Variants in DRC11 observed in about 807,000 individuals in gnomAD.
The protein encoded by DRC11 is dynein regulatory complex subunit 11.
At chr2:236,392,339 T>A in the DRC11 span, 1 of 1,583,584 alleles carries the variant, frequency 6.3e-7, no homozygotes, top group Non-Finnish European at 8.6e-7. This position sits in a 1 kb window ranked among gnomAD's most constrained non-coding sequence, Gnocchi z 5.1. Context: ...TCATCTTTTT[T>A]CATCCAGATT....
chr2:236,335,301 G>A, the DRC11 span, among the ~76,000 whole-genome samples: 1 of 152,216 alleles, frequency 6.6e-6, no homozygotes, highest in Admixed American at 6.5e-5. This position sits in a 1 kb window ranked among gnomAD's most constrained non-coding sequence, Gnocchi z 5.6. Flanking sequence ...AGCCACTGTG[G>A]CTATGAAAAC....
chr2:236,373,728 T>C, the DRC11 span, among the ~76,000 whole-genome samples: 2 of 152,338 alleles, frequency 1.3e-5, no homozygotes, highest in African/African-American at 4.8e-5. Flanking sequence ...CCAATACTTT[T>C]AGAAGGAAGT....
At chr2:236,490,942 GTGTA>G in the DRC11 span, among the ~76,000 whole-genome samples, 9 of 146,838 alleles carry the variant, frequency 6.1e-5, no homozygotes, top group African/African-American at 1.5e-4. The surrounding 1 kb of genome is among the most constrained non-coding windows in gnomAD (Gnocchi z 5.5). Context: ...ATATATGAGT[GTGTA>G]TATATATGTG....
At chr2:236,357,434 A>G in the DRC11 span, among the ~76,000 whole-genome samples, 3 of 126,520 alleles carry the variant, frequency 2.4e-5, no homozygotes, top group African/African-American at 6.3e-5. Context: ...TTTACATAGT[A>G]TATGTATATT....
At chr2:236,441,833 T>C in the DRC11 span, among the ~76,000 whole-genome samples, 1 of 152,210 alleles carries the variant, frequency 6.6e-6, no homozygotes, top group Non-Finnish European at 1.5e-5. Context: ...CTTAAAAAAC[T>C]GGTTCCCAAA....
chr2:236,448,493 G>A, the DRC11 span, among the ~76,000 whole-genome samples: 2 of 152,008 alleles, frequency 1.3e-5, no homozygotes, highest in Non-Finnish European at 2.9e-5. This position sits in a 1 kb window ranked among gnomAD's most constrained non-coding sequence, Gnocchi z 5.3. Flanking sequence ...ACATCACCAT[G>A]CCTGGCTAAT....
the DRC11 span, among the ~76,000 whole-genome samples, chr2:236,458,385 GC>G: frequency 6.6e-6 from 1 of 152,178 alleles, no homozygotes; most frequent in African/African-American, 2.4e-5. Context: ...CAGAGTGGGG[GC>G]AGGAAGTAAA....
At chr2:236,339,691 C>A in the DRC11 span, among the ~76,000 whole-genome samples, 1 of 152,192 alleles carries the variant, frequency 6.6e-6, no homozygotes, top group African/African-American at 2.4e-5. Flanking sequence ...ATTGTCTTTG[C>A]ACCTTTGTCA....
At chr2:236,444,915 T>A in the DRC11 span, among the ~76,000 whole-genome samples, 1 of 152,234 alleles carries the variant, frequency 6.6e-6, no homozygotes, top group Non-Finnish European at 1.5e-5. Flanking sequence ...ATATGGCCAG[T>A]GTGGATATTG....
At chr2:236,372,436 A>T in the DRC11 span, among the ~76,000 whole-genome samples, 1 of 151,982 alleles carries the variant, frequency 6.6e-6, no homozygotes, top group Non-Finnish European at 1.5e-5. The surrounding 1 kb of genome is among the most constrained non-coding windows in gnomAD (Gnocchi z 4.5). Flanking sequence ...TTTAGAAATA[A>T]CTCCAAGAAC....
chr2:236,430,250 T>C, the DRC11 span, among the ~76,000 whole-genome samples: 2 of 152,216 alleles, frequency 1.3e-5, no homozygotes, highest in Admixed American at 6.5e-5. This position sits in a 1 kb window ranked among gnomAD's most constrained non-coding sequence, Gnocchi z 6.0. Context: ...TGTTGTGTTA[T>C]GTTTGCCAAT....
At chr2:236,497,162 C>T in the DRC11 span, 9 of 1,602,716 alleles carry the variant, frequency 5.6e-6, no homozygotes, top group Non-Finnish European at 6.0e-6. This position sits in a 1 kb window ranked among gnomAD's most constrained non-coding sequence, Gnocchi z 5.1. Context: ...AGAGTGCTTA[C>T]GGGGGCCAGC....
the DRC11 span, among the ~76,000 whole-genome samples, chr2:236,467,862 A>T: frequency 1.3e-5 from 2 of 152,258 alleles, no homozygotes; most frequent in African/African-American, 4.8e-5. Context: ...CGAATTAGTT[A>T]AATGTAACAC....
At chr2:236,361,264 G>GA in the DRC11 span, among the ~76,000 whole-genome samples, 1 of 152,042 alleles carries the variant, frequency 6.6e-6, no homozygotes, top group African/African-American at 2.4e-5. The surrounding 1 kb of genome is among the most constrained non-coding windows in gnomAD (Gnocchi z 5.7). Flanking sequence ...AAGAAGATCA[G>GA]AAAAAAGAAA....
At chr2:236,318,842 C>A in the DRC11 span, among the ~76,000 whole-genome samples, 1 of 152,154 alleles carries the variant, frequency 6.6e-6, no homozygotes, top group South Asian at 2.1e-4. This position sits in a 1 kb window ranked among gnomAD's most constrained non-coding sequence, Gnocchi z 7.0. Context: ...CATAAAGCCA[C>A]AACCCTCTTG....
At chr2:236,357,146 T>C in the DRC11 span, among the ~76,000 whole-genome samples, 3 of 129,656 alleles carry the variant, frequency 2.3e-5, no homozygotes, top group Non-Finnish European at 3.1e-5. Context: ...TATATATCTA[T>C]ATATTATGTA....
At chr2:236,499,410 T>C in the DRC11 span, among the ~76,000 whole-genome samples, 2 of 152,100 alleles carry the variant, frequency 1.3e-5, no homozygotes, top group Non-Finnish European at 2.9e-5. This position sits in a 1 kb window ranked among gnomAD's most constrained non-coding sequence, Gnocchi z 4.7. Flanking sequence ...CTCTCATCCA[T>C]GCCTGCTCTC....
chr2:236,418,354 T>C, the DRC11 span, among the ~76,000 whole-genome samples: 1 of 152,216 alleles, frequency 6.6e-6, no homozygotes. Flanking sequence ...CATATGTTTG[T>C]TGGCTGCTGC....
chr2:236,329,957 G>A, the DRC11 span, among the ~76,000 whole-genome samples: 63 of 152,096 alleles, frequency 4.1e-4, no homozygotes, highest in African/African-American at 1.5e-3. Context: ...AGATTACTTC[G>A]GAAAGTTAAA....
Sources: gnomAD v4.1 joint callset for allele counts (sites outside exome capture counted in the v4.1 genomes callset) on GRCh38, gnomAD v4.1.1 for gene constraint, Gnocchi (gnomAD v3.1) non-coding constraint, MANE v1.5 for transcripts, NCBI Gene and HGNC (gene_info 2026-07-23, HGNC 2026-07-21) for gene names.